The following DKK4 variants were observed in gnomAD, a reference collection of about 807,000 sequenced individuals.
DKK4 encodes the protein dickkopf-related protein 4.
In DKK4, 15 loss-of-function variants were observed where a neutral mutation model predicts 14.5. The observed-to-expected ratio is 1.03, with a 90% confidence interval of 0.69 to 1.59. DKK4 has a LOEUF of 1.59. DKK4 is among the 40% of genes most tolerant of loss of function. The pLI is 0.00. For missense variants in DKK4, 272 were observed against 280.3 expected, an observed-to-expected ratio of 0.97 and a Z score of 0.21; for synonymous variants, 89 against 105.2, an observed-to-expected ratio of 0.85 and a Z score of 0.94.
upstream of DKK4, among the ~76,000 whole-genome samples, chr8:42,378,232 G>T (rs1190603785): frequency 6.6e-6 from 1 of 151,970 alleles, no homozygotes; most frequent in Non-Finnish European, 1.5e-5. Context: ...TTGTTTCATT[G>T]CTCTTAGCAT....
chr8:42,386,544 T>G, the DKK4 span, among the ~76,000 whole-genome samples: 1 of 152,170 alleles, frequency 6.6e-6, no homozygotes, highest in African/African-American at 2.4e-5. Flanking sequence ...CAGGCTGGAG[T>G]GCAGTGGCGC....
upstream of DKK4, among the ~76,000 whole-genome samples, chr8:42,379,970 A>C (rs1824643496): frequency 6.6e-6 from 1 of 152,164 alleles, no homozygotes; most frequent in Non-Finnish European, 1.5e-5. Context: ...CTTCGTGAGG[A>C]GGATAAAGCA....
chr8:42,383,276 A>AG, the DKK4 span, among the ~76,000 whole-genome samples: 79 of 152,298 alleles, frequency 5.2e-4, no homozygotes, highest in African/African-American at 1.7e-3. Context: ...GGGACAGCAC[A>AG]GGGGGGATGC....
chr8:42,381,142 C>T (rs529712265), upstream of DKK4, among the ~76,000 whole-genome samples: 28 of 151,770 alleles, frequency 1.8e-4, no homozygotes, highest in African/African-American at 6.5e-4. Context: ...ACAATGGGAA[C>T]CAAGCAAAGG....
At chr8:42,380,823 GGAAGGA>G (rs1824665334), upstream of DKK4, among the ~76,000 whole-genome samples, 1 of 124,912 alleles carries the variant, frequency 8.0e-6, no homozygotes, top group African/African-American at 3.1e-5. Flanking sequence ...AAGGAAGGAA[GGAAGGA>G]AGGGAGGAAA....
At chr8:42,386,870 T>TG in the DKK4 span, among the ~76,000 whole-genome samples, 1 of 152,210 alleles carries the variant, frequency 6.6e-6, no homozygotes, top group Non-Finnish European at 1.5e-5. Flanking sequence ...AATTGAGCTA[T>TG]GAAGTCTTTA....
Position 42,377,062 on chromosome 8 carries a change from T to C in DKK4, c.-17A>G, listed in dbSNP as rs764376891. ...CGCCACCATCCTTCAATCCCGGGGCTCCTGGAGGGTCCCAGCACTGTGCGT... is the reference window on the plus strand; with the variant it reads ...CGCCACCATCCTTCAATCCCGGGGCCCCTGGAGGGTCCCAGCACTGTGCGT... On this transcript the variant is annotated 5_prime_UTR_variant, in exon 1 of 4. Transcript: ENST00000220812. 1 of 1,605,186 alleles carries C rather than the reference T, an allele frequency of 6.2e-7. No individual in the cohort carries two copies.
intron 1 of DKK4, 99 bp from the exon 2 acceptor site, chr8:42,375,929 T>C: frequency 4.8e-6 from 7 of 1,458,938 alleles, no homozygotes; most frequent in Non-Finnish European, 6.5e-6. Context: ...CAAAGGACAG[T>C]GGCGCTGTGA....
chr8:42,387,134 T>A, the DKK4 span, among the ~76,000 whole-genome samples: 2 of 152,096 alleles, frequency 1.3e-5, no homozygotes, highest in African/African-American at 4.8e-5. Context: ...CAAACATCCC[T>A]CAAAGGAAGG....
At chr8:42,375,501 G>A (rs1161229952) in intron 2 of DKK4, among the ~76,000 whole-genome samples, 179 bp downstream of exon 2, 1 of 151,154 alleles carries the variant, frequency 6.6e-6, no homozygotes, top group Non-Finnish European at 1.5e-5. Flanking sequence ...TGGACAACAA[G>A]GGCGAAACTC....
At chr8:42,382,844 T>A in the DKK4 span, among the ~76,000 whole-genome samples, 1 of 152,238 alleles carries the variant, frequency 6.6e-6, no homozygotes, top group African/African-American at 2.4e-5. Context: ...TCCCAGTTTC[T>A]GCACTGATTC....
chr8:42,375,645 G>A lies in DKK4; in HGVS notation c.262+35C>T, dbSNP rs200577163. 7.4e-5 allele frequency: 120 copies of A among 1,611,218 alleles called. No individual in the cohort carries two copies. The African/African-American group carries it at 1.1e-3, about 14-fold the overall frequency. On this transcript the variant is annotated intron_variant, in intron 2 of 3. Coordinates refer to ENST00000220812, the MANE Select transcript of DKK4 (RefSeq NM_014420.3). Reference sequence around the variant, plus strand: ...TCTATGGGGCTTAGACACTACCTTCGGTTTAAAAACCACTGTTGGCGTTAT... The same window carrying A: ...TCTATGGGGCTTAGACACTACCTTCAGTTTAAAAACCACTGTTGGCGTTAT...
At chr8:42,378,771 G>C (rs968139144), upstream of DKK4, among the ~76,000 whole-genome samples, 1 of 151,830 alleles carries the variant, frequency 6.6e-6, no homozygotes, top group Non-Finnish European at 1.5e-5. Flanking sequence ...TAGAGCACTT[G>C]GCATGGAACA....
Position 42,374,123 on chromosome 8 carries a change from A to T in DKK4, c.652T>A (p.Cys218Ser), listed in dbSNP as rs200776586. The change falls in exon 4 of 4, where the codon TGC becomes AGC. Residue 218 changes from cysteine to serine, a missense_variant. Cys to Ser is a moderately radical substitution (Grantham distance 112, BLOSUM62 -1). Coordinates refer to ENST00000220812, the MANE Select transcript of DKK4 (RefSeq NM_014420.3). ...ATTTATAGCTTTTCTATTTTTTGGC[A>T]TACTCTTAATCGAGCATGCTGCCGA... is the stretch of plus-strand genomic sequence containing the variant. ...SNRQHARLRV[C>S]QKIEKL 1.2e-6 allele frequency: 2 copies of T among 1,611,788 alleles called. No homozygotes were observed. Among genetic ancestry groups the T allele is most frequent in the East Asian group, 2.2e-5 (1 of 44,874 alleles).
the DKK4 span, among the ~76,000 whole-genome samples, chr8:42,385,010 T>C: frequency 1.3e-5 from 2 of 152,194 alleles, no homozygotes; most frequent in Non-Finnish European, 2.9e-5. Flanking sequence ...GACTTGTAGG[T>C]GGTGTCATCA....
At chr8:42,375,970 G>A (rs1310560542) in intron 1 of DKK4, 140 bp from the exon 2 acceptor site, 7 of 1,152,514 alleles carry the variant, frequency 6.1e-6, no homozygotes, top group East Asian at 5.2e-5. Flanking sequence ...ACTCTCCAGT[G>A]GAAATGGTTT....
chr8:42,380,552 G>A (rs1303534684), upstream of DKK4, among the ~76,000 whole-genome samples: 4 of 141,210 alleles, frequency 2.8e-5, no homozygotes, highest in East Asian at 8.3e-4. Flanking sequence ...AAGGAAGGAA[G>A]GAAGAAAAAA....
At chr8:42,380,482 GGAGA>G (rs370629692), upstream of DKK4, among the ~76,000 whole-genome samples, 46 of 134,284 alleles carry the variant, frequency 3.4e-4, no homozygotes, top group African/African-American at 1.0e-3. Context: ...GGAGGGAGGG[GGAGA>G]GAGAGAGAGA....
chr8:42,380,160 C>T (rs1015353600), upstream of DKK4, among the ~76,000 whole-genome samples: 1 of 152,034 alleles, frequency 6.6e-6, no homozygotes, highest in African/African-American at 2.4e-5. Flanking sequence ...TAACAAGAAC[C>T]CATCTCTACG....
Sources: gnomAD v4.1 joint callset for allele counts (sites outside exome capture counted in the v4.1 genomes callset) on GRCh38, gnomAD v4.1.1 for gene constraint, MANE v1.5 for transcripts, NCBI Gene and HGNC (gene_info 2026-07-23, HGNC 2026-07-21) for gene names.